Variants in CACNA1I observed in about 807,000 individuals in gnomAD.
CACNA1I encodes voltage-dependent T-type calcium channel subunit alpha-1I.
In CACNA1I, 74 loss-of-function variants were observed where a neutral mutation model predicts 201.6. The ratio of observed to expected loss-of-function variants is 0.37; its 90% CI spans 0.30 to 0.45. CACNA1I has a LOEUF of 0.45. Among genes scored for constraint, CACNA1I ranks in the 20% least tolerant of loss-of-function variants. CACNA1I has a pLI of 1.00. For missense variants in CACNA1I, 2,346 were observed against 3,138.1 expected (o/e 0.75, Z 6.03); for synonymous variants, 1,431 against 1,345.2 (o/e 1.06, Z -1.40).
intron 16 of CACNA1I, among the ~76,000 whole-genome samples, chr22:39,661,523 G>A (rs920670126): frequency 6.6e-6 from 1 of 152,232 alleles, no homozygotes; most frequent in Admixed American, 6.5e-5. Flanking sequence ...GGGGTCTGGT[G>A]CAGAGAATTG....
intron 6 of CACNA1I, among the ~76,000 whole-genome samples, chr22:39,641,624 G>C (rs1392934701): frequency 1.3e-5 from 2 of 152,242 alleles, no homozygotes; most frequent in Admixed American, 1.3e-4. Context: ...GGTACAGGGA[G>C]TGCCAAGTAG....
chr22:39,581,206 C>T (rs3788557), intron 1 of CACNA1I, among the ~76,000 whole-genome samples: 56,519 of 151,772 alleles, frequency 0.37, 11,775 homozygotes, highest in East Asian at 0.81. Flanking sequence ...CAGGAGAGAG[C>T]GGGAGGGGAG....
intron 23 of CACNA1I, among the ~76,000 whole-genome samples, chr22:39,667,652 T>A (rs966272175): frequency 6.6e-6 from 1 of 152,052 alleles, no homozygotes; most frequent in Non-Finnish European, 1.5e-5. Context: ...GATGCTGATC[T>A]GCCATCTCTG....
chr22:39,585,587 C>T lies in CACNA1I; in HGVS notation c.237-12564C>T, dbSNP rs141732916. Among the ~76,000 whole-genome samples the T allele has an allele frequency of 7.1e-3, 1,058 of 149,960 alleles. 13 individuals carry two copies. The highest frequency in any genetic ancestry group is 0.022 in the African/African-American group (897 of 40,808). ...GTATTTAGTAGAGATGGAGTTTCACCACGTTGACCAGGCTGGTCTTGAACT... is the reference window on the plus strand; with the variant it reads ...GTATTTAGTAGAGATGGAGTTTCACTACGTTGACCAGGCTGGTCTTGAACT... On this transcript the variant is annotated intron_variant, in intron 1 of 36. Coordinates refer to ENST00000402142, the MANE Select transcript of CACNA1I (RefSeq NM_021096.4).
In CACNA1I at chr22:39,662,394, G is replaced by T. The variant is rs1488247090; in HGVS notation, c.3331G>T (p.Asp1111Tyr). Residue 1111 changes from aspartate to tyrosine, a missense_variant, in exon 17 of 37, where the codon GAC becomes TAC. Transcript: ENST00000402142. ...CAAAGACGTCTTCACCAAGATGGGC[G>T]ACCGCGGGGATCGCGGGGAGGATGA... ...IAKDVFTKMGDRGDRGEDEEE... is the reference protein window; with the variant it reads ...IAKDVFTKMGYRGDRGEDEEE... 1 of 1,471,656 alleles carries T rather than the reference G, an allele frequency of 6.8e-7. No individual in the cohort carries two copies. The highest frequency in any genetic ancestry group is 1.4e-5 in the South Asian group (1 of 73,844). The allele number at this position is 1,471,656 out of a possible 1,614,324, so 91.2% of individuals were successfully genotyped here. A position where few individuals can be genotyped will look rare whatever the true frequency, so the allele number is the denominator to read the frequency against.
intron 3 of CACNA1I, among the ~76,000 whole-genome samples, chr22:39,612,229 G>C (rs114530448): frequency 6.6e-6 from 1 of 152,132 alleles, no homozygotes; most frequent in Admixed American, 6.5e-5. Flanking sequence ...CTTCTGCCAC[G>C]TGATGACACA....
intron 3 of CACNA1I, among the ~76,000 whole-genome samples, chr22:39,611,996 G>C (rs1202111125): frequency 6.6e-6 from 1 of 152,218 alleles, no homozygotes; most frequent in Non-Finnish European, 1.5e-5. Flanking sequence ...GAGTGTTGCT[G>C]TTGTTTGAAT....
At chr22:39,593,211 A>G (rs2413602) in intron 1 of CACNA1I, among the ~76,000 whole-genome samples, 53,666 of 152,142 alleles carry the variant, frequency 0.35, 10,684 homozygotes, top group East Asian at 0.81. Context: ...GCTGTGAATC[A>G]GACAATCTGG....
intron 5 of CACNA1I, among the ~76,000 whole-genome samples, chr22:39,635,744 G>T (rs375075812): frequency 1.3e-5 from 2 of 152,086 alleles, no homozygotes; most frequent in South Asian, 2.1e-4. Flanking sequence ...CAGCTGCTTC[G>T]AAGTCAGGGT....
In CACNA1I at chr22:39,638,305, G is replaced by A. The variant is rs960277326; in HGVS notation, c.741-2562G>A. 6.6e-4 allele frequency among the ~76,000 whole-genome samples: 101 copies of A among 152,314 alleles called. 2 individuals are homozygous for A. The highest frequency in any genetic ancestry group is 3.4e-3 in the Middle Eastern group (1 of 294). On this transcript the variant is annotated intron_variant, in intron 5 of 36. Transcript: ENST00000402142. Reference sequence around the variant, plus strand: ...AGTCAACTGTCCCAGGACCAGTGGTGGAAAAGTCTGTCCTTTCTCCACTGA... The same window carrying A: ...AGTCAACTGTCCCAGGACCAGTGGTAGAAAAGTCTGTCCTTTCTCCACTGA...
intron 1 of CACNA1I, among the ~76,000 whole-genome samples, chr22:39,589,133 C>T (rs1932793262): frequency 1.3e-5 from 2 of 152,320 alleles, no homozygotes; most frequent in East Asian, 1.9e-4. Flanking sequence ...AAAAATGTCT[C>T]CAGACACGGC....
At chr22:39,669,273 C>T (rs529979891) in intron 24 of CACNA1I, among the ~76,000 whole-genome samples, 22 of 152,270 alleles carry the variant, frequency 1.4e-4, no homozygotes, top group African/African-American at 3.9e-4. Context: ...TGGAGCTGGA[C>T]GTGGGGGTGG....
chr22:39,671,054 A>G, intron 26 of CACNA1I, 100 bp downstream of exon 26: 1 of 1,121,206 alleles, frequency 8.9e-7, no homozygotes, highest in South Asian at 1.5e-5. Context: ...GTTAGCTGAT[A>G]GCAGGATGTG....
At position 39,616,052 on chromosome 22, in the gene CACNA1I, G is replaced by T. The variant is rs1461785384; in HGVS notation, c.483-3258G>T. Among the ~76,000 whole-genome samples the T allele has an allele frequency of 2.0e-5, 3 of 152,314 alleles. No homozygotes were observed. In the South Asian group the frequency reaches 6.2e-4, roughly 32 times the overall value. ...TGGTGGATTCTCAGGGGAATTTGGG[G>T]AATGTTTGCCGCAGACATAGACTGC... is the stretch of plus-strand genomic sequence containing the variant. On this transcript the variant is annotated intron_variant, in intron 3 of 36. Coordinates refer to ENST00000402142, the MANE Select transcript of CACNA1I (RefSeq NM_021096.4).
chr22:39,582,947 A>C (rs140861190), intron 1 of CACNA1I, among the ~76,000 whole-genome samples: 1 of 112,950 alleles, frequency 8.9e-6, no homozygotes, highest in African/African-American at 3.0e-5. Context: ...CAAGCATCCA[A>C]CTATCCATCC....
At position 39,646,571 on chromosome 22, in the gene CACNA1I, G is replaced by A; in HGVS notation, c.1152G>A (p.Val384=). 6.5e-7 allele frequency: 1 copy of A among 1,548,438 alleles called. No homozygotes were observed. The highest frequency in any genetic ancestry group is 8.7e-7 in the Non-Finnish European group (1 of 1,145,042). The change falls in exon 8 of 37, where the codon GTG becomes GTA. Residue 384 remains valine (V), a splice_region_variant and synonymous_variant. Transcript: ENST00000402142. Reference sequence around the variant, plus strand: ...TCCTCTCCTCCCGTTGGTCACAGGTGGGCTCCTTCTTCATGATCAACCTGT... The same window carrying A: ...TCCTCTCCTCCCGTTGGTCACAGGTAGGCTCCTTCTTCATGATCAACCTGT... ...NFIYFILLII[V]GSFFMINLCL...
chr22:39,607,535 A>G (rs1222654302), intron 3 of CACNA1I, among the ~76,000 whole-genome samples: 2 of 152,234 alleles, frequency 1.3e-5, no homozygotes, highest in East Asian at 3.8e-4. Flanking sequence ...TCTAATCAGG[A>G]GGACTGAAAG....
In CACNA1I at chr22:39,685,765, C is replaced by T. The variant is rs751224545; in HGVS notation, c.6032C>T (p.Thr2011Ile). ...ACGGCTCCCACCTCCCCCCAGGCCA[C>T]CGGGAGCGACACGTCGCTGGACGCC... ...RVNCTLLRQA[T>I]GSDTSLDASP... Residue 2011 changes from threonine (T) to isoleucine (I), a missense_variant, in exon 37 of 37, where the codon ACC becomes ATC. Physicochemically the swap from Thr to Ile is moderately conservative, Grantham distance 89 (BLOSUM62 -1). Coordinates refer to ENST00000402142, the MANE Select transcript of CACNA1I (RefSeq NM_021096.4). This position sits in a 1 kb window ranked among gnomAD's most constrained non-coding sequence, Gnocchi z 5.0. 1.2e-5 allele frequency: 18 copies of T among 1,483,304 alleles called. No homozygotes were observed. Among genetic ancestry groups the T allele is most frequent in the African/African-American group, 1.5e-5 (1 of 68,320 alleles). The allele number at this position is 1,483,304 out of a possible 1,614,324, so 91.9% of individuals were successfully genotyped here. A position where few individuals can be genotyped will look rare whatever the true frequency, so the allele number is the denominator to read the frequency against.
intron 3 of CACNA1I, among the ~76,000 whole-genome samples, chr22:39,605,270 C>T (rs1196549023): frequency 1.3e-5 from 2 of 152,316 alleles, no homozygotes; most frequent in African/African-American, 2.4e-5. Flanking sequence ...GAGGTCACGG[C>T]CTTCATCTCC....
Sources: allele counts gnomAD v4.1 joint callset (sites outside exome capture counted in the v4.1 genomes callset), GRCh38; gene constraint gnomAD v4.1.1; non-coding constraint Gnocchi (gnomAD v3.1); transcripts MANE v1.5; gene names NCBI Gene and HGNC (gene_info 2026-07-23, HGNC 2026-07-21).